Variants in PLCH2 observed in about 807,000 individuals in gnomAD.
PLCH2 encodes phospholipase C eta 2.
A neutral mutation model predicts 134.7 loss-of-function variants in PLCH2; 98 were observed. The ratio of observed to expected loss-of-function variants is 0.73; its 90% CI spans 0.62 to 0.86. The LOEUF (loss-of-function observed/expected upper bound fraction) is 0.86. Ranked by LOEUF, PLCH2 falls within the 40% of genes least tolerant of loss-of-function variation. The pLI, the probability that PLCH2 is intolerant of heterozygous loss-of-function variation, is 0.00. For missense variants in PLCH2, 1,994 were observed against 1,986.6 expected (o/e 1.00, Z -0.07); for synonymous variants, 974 against 827.5 (o/e 1.18, Z -3.04).
At chr1:2,503,873 T>C (rs1055084617) in intron 21 of PLCH2, 49 bp from the exon 22 acceptor site, 2 of 674,814 alleles carry the variant, frequency 3.0e-6, no homozygotes, top group African/African-American at 1.8e-5. Context: ...TCCCTCTCTC[T>C]CTTCTGCTTC....
rs1003300167 is a variant in PLCH2, at chr1:2,448,925, C to T, written c.115+18296C>T. Among the ~76,000 whole-genome samples, 1 of 152,192 alleles carries T rather than the reference C, an allele frequency of 6.6e-6. No individual in the cohort carries two copies. Among genetic ancestry groups the T allele is most frequent in the African/African-American group, 2.4e-5 (1 of 41,452 alleles). ...AGGCACCTGGGGCCTCCAGAATGCT[C>T]GTTTCGTCAAACTGTTGTACGTGGC... On this transcript the variant is annotated intron_variant, in intron 2 of 3. Transcript: ENST00000609981. The surrounding 1 kb of genome is among the most constrained non-coding windows in gnomAD (Gnocchi z 4.0).
intron 11 of PLCH2, among the ~76,000 whole-genome samples, chr1:2,491,776 C>T (rs1342820343): frequency 1.3e-5 from 2 of 152,310 alleles, no homozygotes; most frequent in Admixed American, 6.5e-5. Flanking sequence ...GAGCTGTGGC[C>T]GGTGGATCCC....
chr1:2,436,414 CCACCTTTCCTCCTTT>C (rs1364707577), intron 2 of PLCH2, among the ~76,000 whole-genome samples: 5 of 65,900 alleles, frequency 7.6e-5, no homozygotes, highest in African/African-American at 4.2e-4. Flanking sequence ...CTTCCTCCCT[CCACCTTTCCTCCTTT>C]CTCCCTCCTC....
At chr1:2,424,779 A>C (rs1221961491), upstream of PLCH2, among the ~76,000 whole-genome samples, 3 of 152,190 alleles carry the variant, frequency 2.0e-5, no homozygotes, top group African/African-American at 7.2e-5. Context: ...CGAGGTCAGG[A>C]GATCGAGACC....
chr1:2,447,089 G>A (rs756322917), intron 2 of PLCH2, among the ~76,000 whole-genome samples: 11 of 152,144 alleles, frequency 7.2e-5, no homozygotes, highest in Non-Finnish European at 1.0e-4. Context: ...TGTCGATTCC[G>A]GGGTCTCCAC....
chr1:2,419,852 C>T, the PLCH2 span, among the ~76,000 whole-genome samples: 2 of 152,058 alleles, frequency 1.3e-5, no homozygotes, highest in Admixed American at 6.5e-5. Flanking sequence ...CTGGGACCCT[C>T]AAGCCAGCCC....
At position 2,504,174 on chromosome 1, in the gene PLCH2, C is replaced by G; in HGVS notation, c.3212C>G (p.Ala1071Gly). ...GGCGCCGGCGGGGCATACGAGAGGG[C>G]CCCCGGCAGCCAGACGGACGGCAGG... Reference protein sequence around the residue: ...GEGAGGAYERAPGSQTDGRSQ... With the variant: ...GEGAGGAYERGPGSQTDGRSQ... Residue 1071 changes from alanine to glycine, a missense_variant, in exon 22 of 22, where the codon GCC (alanine) becomes GGC (glycine). By Grantham distance (60) the Ala-to-Gly change is moderately conservative. This residue lies in a region of PLCH2 where 900 missense variants were observed against 752.3 expected (regional missense o/e 1.20). Coordinates refer to ENST00000378486, the MANE Select transcript of PLCH2 (RefSeq NM_014638.4). 1.3e-6 allele frequency: 2 copies of G among 1,534,402 alleles called. No homozygotes were observed. The highest frequency in any genetic ancestry group is 2.4e-5 in the South Asian group (2 of 82,836).
intron 2 of PLCH2, among the ~76,000 whole-genome samples, chr1:2,450,992 C>G (rs564993449): frequency 6.6e-6 from 1 of 151,782 alleles, no homozygotes; most frequent in Non-Finnish European, 1.5e-5. Flanking sequence ...GTGGGACCCC[C>G]GCCTGTGCTA....
At chr1:2,483,823 C>A (rs1265742697) in intron 4 of PLCH2, among the ~76,000 whole-genome samples, 1 of 132,820 alleles carries the variant, frequency 7.5e-6, no homozygotes, top group African/African-American at 3.0e-5. Context: ...GTGGCGCTGA[C>A]CCCCGTGTGG....
At chr1:2,494,449 C>A in intron 11 of PLCH2, 3 of 313,154 alleles carry the variant, frequency 9.6e-6, no homozygotes, top group South Asian at 8.4e-5. Flanking sequence ...GTGGAATGCT[C>A]GTAAAAGGGT....
chr1:2,428,219 C>T (rs113841966), intron 1 of PLCH2, among the ~76,000 whole-genome samples: 1,749 of 152,310 alleles, frequency 0.011, 33 homozygotes, highest in African/African-American at 0.04. Context: ...GGCCTGGCAC[C>T]GGCAATGTCC....
chr1:2,503,164 C>A, intron 21 of PLCH2: 2 of 632,622 alleles, frequency 3.2e-6, no homozygotes, highest in Non-Finnish European at 5.8e-6. Flanking sequence ...TGGGAAGAAC[C>A]AGCTGCTCTT....
At position 2,459,522 on chromosome 1, in the gene PLCH2, T is replaced by TCCTTCCTGGTGGTCCTCCTTGCC. The variant is rs1557969940; in HGVS notation, c.116-18954_116-18953insCCTTCCTGGTGGTCCTCCTTGCC. ...CCTCCTTCCTGGTGGTCCTCCTTCC[T>TCCTTCCTGGTGGTCCTCCTTGCC]GGTGGTCCTCCTTCCTGGTGGTCCT... On this transcript the variant is annotated intron_variant, in intron 2 of 3. Coordinates refer to the PLCH2 transcript ENST00000609981. Among the ~76,000 whole-genome samples the TCCTTCCTGGTGGTCCTCCTTGCC allele has an allele frequency of 2.4e-3, 149 of 62,002 alleles. 33 individuals are homozygous for TCCTTCCTGGTGGTCCTCCTTGCC. Among genetic ancestry groups the TCCTTCCTGGTGGTCCTCCTTGCC allele is most frequent in the East Asian group, 0.024 (34 of 1,436 alleles). The allele number at this position is 62,002 out of a possible 152,430, so 40.7% of individuals were successfully genotyped here. A position where few individuals can be genotyped will look rare whatever the true frequency, so the allele number is the denominator to read the frequency against.
At chr1:2,440,701 T>C (rs2494637) in intron 2 of PLCH2, among the ~76,000 whole-genome samples, 2,688 of 63,202 alleles carry the variant, frequency 0.043, 681 homozygotes, top group African/African-American at 0.27. Context: ...TTGGCCGGCC[T>C]GCCCGGGGAT....
rs1228276163 is a variant in PLCH2 at position 2,434,178 on chromosome 1, C to A, written c.115+3549C>A. ...CACCTTCAGCTTCTTACTGAGCAAC[C>A]AAGGGAGGTGGCTGGGTGTGCCAGG... On this transcript the variant is annotated intron_variant, in intron 2 of 3. Transcript: ENST00000609981. Among the ~76,000 whole-genome samples, 3 of 152,232 alleles carry A rather than the reference C, an allele frequency of 2.0e-5. No individual in the cohort carries two copies. The East Asian group carries it at 5.8e-4, about 29-fold the overall frequency.
rs1351053003 is a variant in PLCH2, at chr1:2,444,973, G to A, written c.115+14344G>A. On this transcript the variant is annotated intron_variant, in intron 2 of 3. Coordinates refer to the PLCH2 transcript ENST00000609981. This position sits in a 1 kb window ranked among gnomAD's most constrained non-coding sequence, Gnocchi z 4.6. ...GGGGATTCAGGCACCATGGGAGGCC[G>A]GGGAGGGGCAAGTCAGAGGGCGGAG... 1.3e-5 allele frequency among the ~76,000 whole-genome samples: 2 copies of A among 152,116 alleles called. No individual in the cohort carries two copies. Among genetic ancestry groups the A allele is most frequent in the African/African-American group, 2.4e-5 (1 of 41,394 alleles).
chr1:2,487,017 C>A lies in PLCH2; in HGVS notation c.910+17C>A. ...GCATTGATGGTGAGTGGGGCGCTGC[C>A]CTCAGCCCAGCTGTCCTGGGATGCT... On this transcript the variant is annotated intron_variant, in intron 6 of 21. Transcript: ENST00000378486. 6.3e-7 allele frequency: 1 copy of A among 1,575,690 alleles called. No homozygotes were observed. Among genetic ancestry groups the A allele is most frequent in the Non-Finnish European group, 8.6e-7 (1 of 1,160,508 alleles).
rs1195458423 is a variant in PLCH2, at chr1:2,504,986, A to T, written c.4024A>T (p.Ser1342Cys). 6.5e-7 allele frequency: 1 copy of T among 1,548,226 alleles called. No homozygotes were observed. Among genetic ancestry groups the T allele is most frequent in the Non-Finnish European group, 8.7e-7 (1 of 1,150,916 alleles). The change falls in exon 22 of 22, where the codon AGC (serine) becomes TGC (cysteine). Residue 1342 changes from serine to cysteine, a missense_variant. By Grantham distance (112) the Ser-to-Cys change is moderately radical. Transcript: ENST00000378486. ...PGFVRRSSSR[S>C]HSRVRAIASR... ...TTTTGTGCGGCGCTCCTCCTCCCGCAGCCACAGCCGCGTGCGTGCCATTGC... is the reference window on the plus strand; with the variant it reads ...TTTTGTGCGGCGCTCCTCCTCCCGCTGCCACAGCCGCGTGCGTGCCATTGC...
In PLCH2 at chr1:2,487,701, T is replaced by C; in HGVS notation, c.1218T>C (p.Tyr406=). 6.2e-7 allele frequency: 1 copy of C among 1,613,308 alleles called. No homozygotes were observed. Among genetic ancestry groups the C allele is most frequent in the South Asian group, 1.1e-5 (1 of 91,060 alleles). Reference sequence around the variant, plus strand: ...ACGTCATTGAAACCATCAACAAATATGCCTTCATCAAGAATGAGTGAGTGG... The same window carrying C: ...ACGTCATTGAAACCATCAACAAATACGCCTTCATCAAGAATGAGTGAGTGG... The part of the protein sequence containing the change: ...FKDVIETINK[Y]AFIKNEYPVI... Residue 406 remains tyrosine, a synonymous_variant, in exon 8 of 22, where the codon TAT becomes TAC. Transcript: ENST00000378486.
Sources: allele counts gnomAD v4.1 joint callset (sites outside exome capture counted in the v4.1 genomes callset), GRCh38; gene constraint gnomAD v4.1.1; regional missense constraint gnomAD v4.1.1; non-coding constraint Gnocchi (gnomAD v3.1); transcripts MANE v1.5; gene names NCBI Gene and HGNC (gene_info 2026-07-23, HGNC 2026-07-21).